OFD1: variants seen among roughly 807,000 people sequenced by gnomAD.
OFD1 encodes the protein centriole and centriolar satellite protein OFD1.
In OFD1, 12 loss-of-function variants were observed where a neutral mutation model predicts 81.4. The ratio of observed to expected loss-of-function variants is 0.15; its 90% CI spans 0.09 to 0.24. The LOEUF (loss-of-function observed/expected upper bound fraction) is 0.24, where lower values mean the gene tolerates loss of function less well. Ranked by LOEUF, OFD1 falls within the 10% of genes least tolerant of loss-of-function variation. The pLI, the probability that OFD1 is intolerant of heterozygous loss-of-function variation, is 1.00. For missense variants in OFD1, 685 were observed against 733.9 expected (o/e 0.93, Z 0.77); for synonymous variants, 256 against 263.7 (o/e 0.97, Z 0.28).
chrX:13,748,726 C>T (rs187541261), intron 8 of OFD1, among the ~76,000 whole-genome samples: 10 of 111,587 alleles, frequency 9.0e-5, no homozygotes, highest in Admixed American at 2.9e-4. Context: ...AACATTCAGA[C>T]GACACCACCA....
At chrX:13,755,394 C>A in intron 12 of OFD1, 152 bp downstream of exon 12, 1 of 471,290 alleles carries the variant, frequency 2.1e-6, no homozygotes, top group East Asian at 3.8e-5. Context: ...TTCAATAGTT[C>A]TTAATTTCAG....
intron 11 of OFD1, 51 bp from the exon 12 acceptor site, chrX:13,755,100 G>A (rs2047650898): frequency 1.1e-6 from 1 of 907,430 alleles, no homozygotes; most frequent in African/African-American, 1.9e-5. Flanking sequence ...AATGGCTTTT[G>A]TATTCACTAG....
At chrX:13,770,004 C>T (rs1242520551), downstream of OFD1, among the ~76,000 whole-genome samples, 2 of 112,174 alleles carry the variant, frequency 1.8e-5, no homozygotes, top group Admixed American at 9.5e-5. Context: ...GGTCCTCATA[C>T]TTAATGAATG....
chrX:13,772,863 A>C, downstream of OFD1: 1 of 1,206,865 alleles, frequency 8.3e-7, no homozygotes, highest in Non-Finnish European at 1.1e-6. Context: ...ACGTCGGCCG[A>C]AACACTCTGG....
intron 10 of OFD1, among the ~76,000 whole-genome samples, chrX:13,751,679 C>G (rs1345062451): frequency 9.0e-6 from 1 of 111,023 alleles, no homozygotes; most frequent in Non-Finnish European, 1.9e-5. Context: ...ACTAAAAATA[C>G]AAAAATTAGC....
chrX:13,741,878 G>A (rs1209924183), intron 5 of OFD1, among the ~76,000 whole-genome samples: 1 of 111,866 alleles, frequency 8.9e-6, no homozygotes, highest in East Asian at 2.8e-4. Context: ...ATGGTGGAAT[G>A]TCGTAAGGTT....
At chrX:13,731,437 A>T (rs1184709609), upstream of OFD1, among the ~76,000 whole-genome samples, 3 of 112,590 alleles carry the variant, frequency 2.7e-5, no homozygotes, top group Non-Finnish European at 5.6e-5. Context: ...TTGTACTAGA[A>T]CAAGTCATAC....
chrX:13,760,064 C>T (rs1474984289), intron 15 of OFD1, 51 bp from the exon 16 acceptor site: 2 of 1,202,765 alleles, frequency 1.7e-6, no homozygotes, highest in Non-Finnish European at 2.3e-6. Flanking sequence ...AGTATATTTT[C>T]TTCTCTGCCT....
chrX:13,736,806 A>G, intron 3 of OFD1, 128 bp downstream of exon 3: 2 of 500,336 alleles, frequency 4.0e-6, no homozygotes, highest in Non-Finnish European at 7.0e-6. Context: ...TTGAATTCAC[A>G]TTGTACCTGC....
chrX:13,724,776 C>T, the OFD1 span, among the ~76,000 whole-genome samples: 5 of 112,505 alleles, frequency 4.4e-5, no homozygotes, highest in East Asian at 5.6e-4. Context: ...CCATGGAGGG[C>T]GAGCTGAAGC....
the OFD1 span, among the ~76,000 whole-genome samples, chrX:13,724,618 G>A: frequency 7.2e-5 from 8 of 111,705 alleles, no homozygotes; most frequent in African/African-American, 2.6e-4. Flanking sequence ...TTAAGAAAAC[G>A]TCTAGGGATC....
In OFD1 at chrX:13,760,538, G is replaced by A. The variant is rs754615597; in HGVS notation, c.2078G>A (p.Gly693Glu). 1.1e-5 allele frequency: 13 copies of A among 1,173,455 alleles called. No homozygotes were observed. The highest frequency in any genetic ancestry group is 1.1e-4 in the African/African-American group (6 of 55,278). ...TSSSPERHIFGEDRVVSEQPQ... is the reference protein window; with the variant it reads ...TSSSPERHIFEEDRVVSEQPQ... Reference sequence around the variant, plus strand: ...AGTTCCCCGGAAAGACATATTTTTGGAGAGGACAGAGTTGTCTCTGAGCAG... The same window carrying A: ...AGTTCCCCGGAAAGACATATTTTTGAAGAGGACAGAGTTGTCTCTGAGCAG... The change falls in exon 16 of 23, where the codon GGA becomes GAA. Residue 693 changes from glycine (G) to glutamate (E), a missense_variant. Physicochemically the swap from Gly to Glu is moderately conservative, Grantham distance 98 (BLOSUM62 -2). Coordinates refer to ENST00000340096, the MANE Select transcript of OFD1 (RefSeq NM_003611.3).
At chrX:13,727,388 C>CA in the OFD1 span, among the ~76,000 whole-genome samples, 3 of 112,227 alleles carry the variant, frequency 2.7e-5, no homozygotes, top group South Asian at 3.6e-4. Flanking sequence ...ACACAAATCA[C>CA]AAAAAACTGT....
At chrX:13,733,358 T>C (rs1251037909), upstream of OFD1, among the ~76,000 whole-genome samples, 1 of 111,770 alleles carries the variant, frequency 8.9e-6, no homozygotes, top group Non-Finnish European at 1.9e-5. Context: ...CTCGTTTACT[T>C]ATTTTTTCTC....
intron 5 of OFD1, among the ~76,000 whole-genome samples, 200 bp from the exon 6 acceptor site, chrX:13,744,215 C>T (rs1207557465): frequency 2.7e-5 from 3 of 111,230 alleles, no homozygotes; most frequent in Non-Finnish European, 5.7e-5. Context: ...ATTGCTTGAG[C>T]CCAGGAGGTC....
Position 13,760,680 on chromosome X carries a change from A to G in OFD1, c.2220A>G (p.Pro740=). ...GACGCCTCTCTTCCACACCCCTTCC[A>G]AAAGCAAAAAGAAGCCTCGAAAGTG... ...SSRRLSSTPL[P]KAKRSLESEM... is the part of the protein sequence containing the mutation. Residue 740 remains proline, a synonymous_variant, in exon 16 of 23, where the codon CCA becomes CCG. Transcript: ENST00000340096. The G allele has an allele frequency of 6.6e-6, 8 of 1,211,519 alleles. No individual in the cohort carries two copies. The highest frequency in any genetic ancestry group is 3.5e-5 in the African/African-American group (2 of 57,692).
At chrX:13,736,447 CTT>C in intron 2 of OFD1, 29 bp from the exon 3 acceptor site, 1 of 1,193,580 alleles carries the variant, frequency 8.4e-7, no homozygotes, top group Non-Finnish European at 1.1e-6. Context: ...CCTTGTGTTT[CTT>C]TTTTATTTTT....
At position 13,751,320 on chromosome X, in the gene OFD1, A is replaced by G. The variant is rs1408020610; in HGVS notation, c.1007A>G (p.Lys336Arg). 2.5e-6 allele frequency: 3 copies of G among 1,204,310 alleles called. No individual in the cohort carries two copies. Among genetic ancestry groups the G allele is most frequent in the Non-Finnish European group, 3.4e-6 (3 of 889,024 alleles). ...CTTAGGAGACAGGAGCAGAATATAA[A>G]GAGTTTTGAGGAGACCTATGACCGA... ...EALRRQEQNI[K>R]SFEETYDRKL... The change falls in exon 10 of 23, where the codon AAG (lysine) becomes AGG (arginine). Residue 336 changes from lysine to arginine, a missense_variant. Physicochemically the swap from Lys to Arg is conservative, Grantham distance 26. This residue lies in a region of OFD1 where 414 missense variants were observed against 447.2 expected (regional missense o/e 0.93). Coordinates refer to ENST00000340096, the MANE Select transcript of OFD1 (RefSeq NM_003611.3).
At chrX:13,733,839 G>A (rs964085843), upstream of OFD1, among the ~76,000 whole-genome samples, 30 of 109,744 alleles carry the variant, frequency 2.7e-4, no homozygotes, top group Non-Finnish European at 3.0e-4. Context: ...TACCCATCAA[G>A]GCCCCGATAA....
Sources: allele counts gnomAD v4.1 joint callset (sites outside exome capture counted in the v4.1 genomes callset), GRCh38; gene constraint gnomAD v4.1.1; regional missense constraint gnomAD v4.1.1; transcripts MANE v1.5; gene names NCBI Gene and HGNC (gene_info 2026-07-23, HGNC 2026-07-21).